The following TAOK1 variants were observed in gnomAD, a reference collection of about 807,000 sequenced individuals.
TAOK1 encodes TAO kinase 1, also known as serine/threonine-protein kinase TAO1.
In TAOK1, 21 loss-of-function variants were observed where a neutral mutation model predicts 138.3. The ratio of observed to expected loss-of-function variants is 0.15; its 90% CI spans 0.11 to 0.22. The LOEUF (loss-of-function observed/expected upper bound fraction) is 0.22, where lower values mean the gene tolerates loss of function less well. Ranked by LOEUF, TAOK1 falls within the 10% of genes least tolerant of loss-of-function variation. The probability of loss-of-function intolerance (pLI) is 1.00; values close to 1 mark genes in which losing one functional copy is unlikely to be tolerated. For synonymous variants in TAOK1, 361 were observed against 398.4 expected (o/e 0.91, Z 1.12); for missense variants, 651 against 1,227.7 (o/e 0.53, Z 7.02).
intron 1 of TAOK1, among the ~76,000 whole-genome samples, chr17:29,431,465 C>A (rs1012843014): frequency 2.0e-5 from 3 of 151,642 alleles, no homozygotes; most frequent in Non-Finnish European, 4.4e-5. Context: ...TAAAAAAAAA[C>A]CTTAGGTTTT....
rs34539579 is a variant in TAOK1, at chr17:29,413,881, C to CTTT, written c.-95+22876_-95+22878dup. 5.9e-3 allele frequency among the ~76,000 whole-genome samples: 592 copies of CTTT among 101,180 alleles called. 6 individuals are homozygous for CTTT. Among genetic ancestry groups the CTTT allele is most frequent in the East Asian group, 6.9e-3 (21 of 3,056 alleles). The allele number at this position is 101,180 out of a possible 152,430, so 66.4% of individuals were successfully genotyped here. ...ATATTTGACCTTTTGTTTCTGGCTT[C>CTTT]TTTTTTTTTTTTTTTTTTTTTGAGA... is the stretch of plus-strand genomic sequence containing the variant. On this transcript the variant is annotated intron_variant, in intron 1 of 19. Transcript: ENST00000261716.
intron 4 of TAOK1, among the ~76,000 whole-genome samples, chr17:29,476,194 A>G (rs1482211667): frequency 6.6e-6 from 1 of 152,246 alleles, no homozygotes. Flanking sequence ...CCTTGGTCGA[A>G]TAACACTAAA....
intron 1 of TAOK1, among the ~76,000 whole-genome samples, chr17:29,440,529 T>C (rs1328713461): frequency 2.0e-5 from 3 of 152,124 alleles, no homozygotes; most frequent in African/African-American, 7.2e-5. Context: ...AGTATTTAGA[T>C]ACTTATCATA....
intron 2 of TAOK1, among the ~76,000 whole-genome samples, chr17:29,459,172 G>A (rs960353816): frequency 1.3e-5 from 2 of 152,016 alleles, no homozygotes; most frequent in Non-Finnish European, 2.9e-5. Context: ...TCCTCAGCCT[G>A]GCTTTCTTCT....
At chr17:29,423,213 T>A (rs999279784) in intron 1 of TAOK1, among the ~76,000 whole-genome samples, 6 of 137,310 alleles carry the variant, frequency 4.4e-5, no homozygotes, top group Non-Finnish European at 9.1e-5. Flanking sequence ...GTACTAAATC[T>A]TTCTTCTTTT....
intron 13 of TAOK1, among the ~76,000 whole-genome samples, chr17:29,504,295 AAAAGG>A (rs1185829618): frequency 6.0e-5 from 9 of 150,122 alleles, no homozygotes; most frequent in Non-Finnish European, 1.0e-4. Flanking sequence ...AAAAAAAAAA[AAAAGG>A]AAAGGAAGAA....
chr17:29,510,872 G>A lies in TAOK1; in HGVS notation c.1584G>A (p.Val528=). The change falls in exon 15 of 20, where the codon GTG becomes GTA. Residue 528 remains valine, a synonymous_variant. Coordinates refer to ENST00000261716, the MANE Select transcript of TAOK1 (RefSeq NM_020791.4). ...TTTTAAACTTCATATAGGCTAAAGT[G>A]ATGTCCAATGAAGAGAAAAAATTTC... The part of the protein sequence containing the change: ...HQAAMEKEAK[V]MSNEEKKFQQ... The A allele has an allele frequency of 6.3e-7, 1 of 1,599,158 alleles. No individual in the cohort carries two copies. Among genetic ancestry groups the A allele is most frequent in the Non-Finnish European group, 8.5e-7 (1 of 1,174,032 alleles).
At chr17:29,444,551 C>A (rs886900514) in intron 1 of TAOK1, among the ~76,000 whole-genome samples, 1 of 152,140 alleles carries the variant, frequency 6.6e-6, no homozygotes, top group Non-Finnish European at 1.5e-5. Flanking sequence ...TTCTAACAAT[C>A]CAAACAATAT....
intron 9 of TAOK1, among the ~76,000 whole-genome samples, chr17:29,490,163 A>G (rs980092053): frequency 7.9e-5 from 12 of 152,086 alleles, no homozygotes; most frequent in Non-Finnish European, 7.4e-5. Context: ...TATATGATAT[A>G]AAAATATAAG....
intron 3 of TAOK1, among the ~76,000 whole-genome samples, chr17:29,474,823 A>G (rs1217572016): frequency 1.3e-5 from 2 of 149,438 alleles, no homozygotes; most frequent in Non-Finnish European, 3.0e-5. Flanking sequence ...TTGCTTTGAC[A>G]CAGGATTGCT....
At chr17:29,518,479 T>C (rs2031857653) in intron 16 of TAOK1, among the ~76,000 whole-genome samples, 1 of 152,176 alleles carries the variant, frequency 6.6e-6, no homozygotes, top group Non-Finnish European at 1.5e-5. Flanking sequence ...AGCAAGACCC[T>C]GTCTCAAACA....
intron 10 of TAOK1, among the ~76,000 whole-genome samples, chr17:29,493,212 T>TG (rs1253072418): frequency 7.0e-6 from 1 of 143,314 alleles, no homozygotes; most frequent in Non-Finnish European, 1.5e-5. Context: ...AAAGTAAGAA[T>TG]GGCCGGGCGC....
intron 13 of TAOK1, among the ~76,000 whole-genome samples, chr17:29,503,178 C>T (rs189173015): frequency 3.6e-4 from 55 of 152,036 alleles, no homozygotes; most frequent in South Asian, 1.0e-3. Flanking sequence ...GGGCGGATCA[C>T]GAGGTCAGGA....
rs1739699836 is a variant in TAOK1, at chr17:29,551,551, A to G, written c.*8529A>G. On this transcript the variant is annotated 3_prime_UTR_variant, in exon 20 of 20. Transcript: ENST00000261716. ...TGGACCAAACAGACGCTCACAGTGG[A>G]GGCTTATCAAGGGTTGCATTGGGGA... is the stretch of plus-strand genomic sequence containing the variant. 6.6e-6 allele frequency: 1 copy of G among 152,624 alleles called. No homozygotes were observed. The highest frequency in any genetic ancestry group is 6.5e-5 in the Admixed American group (1 of 15,280). 9.5% of individuals were successfully genotyped at this position (152,624 alleles called of 1,614,324 possible).
intron 17 of TAOK1, among the ~76,000 whole-genome samples, chr17:29,529,042 G>A (rs2032060921): frequency 6.7e-6 from 1 of 148,450 alleles, no homozygotes; most frequent in South Asian, 2.1e-4. Flanking sequence ...TGCAATCATG[G>A]TTCACCGCAG....
intron 8 of TAOK1, among the ~76,000 whole-genome samples, chr17:29,487,594 T>A (rs1003303274): frequency 2.0e-5 from 3 of 152,162 alleles, no homozygotes; most frequent in African/African-American, 7.2e-5. Context: ...AGCTAGGACA[T>A]CTTAGTGTAC....
At chr17:29,510,245 C>T (rs2153029517) in intron 14 of TAOK1, among the ~76,000 whole-genome samples, 1 of 152,160 alleles carries the variant, frequency 6.6e-6, no homozygotes, top group South Asian at 2.1e-4. Flanking sequence ...GGCGTGGTGT[C>T]ACACACCCGT....
Position 29,526,819 on chromosome 17 carries a change from T to TTAAAAAAA in TAOK1, c.2149-3588_2149-3587insTAAAAAAA, listed in dbSNP as rs770263137. Among the ~76,000 whole-genome samples, 4 of 50,952 alleles carry TTAAAAAAA rather than the reference T, an allele frequency of 7.9e-5. 1 individual carries two copies. Among genetic ancestry groups the TTAAAAAAA allele is most frequent in the African/African-American group, 8.7e-5 (1 of 11,506 alleles). 33.4% of individuals were successfully genotyped at this position (50,952 alleles called of 152,430 possible). On this transcript the variant is annotated intron_variant, in intron 17 of 19. Transcript: ENST00000261716. ...GGCAGCATAGGGAGATCTCATCTCT[T>TTAAAAAAA]AAAAAAAAAAAAAAAAAAAAAAAAA...
At chr17:29,428,791 ATT>A (rs5819868) in intron 1 of TAOK1, among the ~76,000 whole-genome samples, 5,498 of 144,694 alleles carry the variant, frequency 0.038, 363 homozygotes, top group African/African-American at 0.13. Context: ...ACCTGACTAA[ATT>A]TTTTTTTTTT....
Sources: allele counts gnomAD v4.1 joint callset (sites outside exome capture counted in the v4.1 genomes callset), GRCh38; gene constraint gnomAD v4.1.1; transcripts MANE v1.5; gene names NCBI Gene and HGNC (gene_info 2026-07-23, HGNC 2026-07-21).